CACNG3: variants seen among roughly 807,000 people sequenced by gnomAD.
CACNG3 encodes the protein voltage-dependent calcium channel gamma-3 subunit.
In CACNG3, 3 loss-of-function variants were observed where a neutral mutation model predicts 28.5. The ratio of observed to expected loss-of-function variants is 0.11; its 90% CI spans 0.05 to 0.27. The LOEUF (loss-of-function observed/expected upper bound fraction) is 0.27. Ranked by LOEUF, CACNG3 falls within the 10% of genes least tolerant of loss-of-function variation. The pLI is 1.00. For missense variants in CACNG3, 236 were observed against 414.4 expected (o/e 0.57, Z 3.74); for synonymous variants, 174 against 162.2 (o/e 1.07, Z -0.55).
chr16:24,304,456 C>T (rs916646473), intron 1 of CACNG3, among the ~76,000 whole-genome samples: 4 of 152,110 alleles, frequency 2.6e-5, no homozygotes, highest in African/African-American at 9.7e-5. Context: ...GCCTAACCAG[C>T]GTCCAGATCA....
intron 1 of CACNG3, among the ~76,000 whole-genome samples, chr16:24,336,490 T>C (rs1899711986): frequency 6.6e-6 from 1 of 151,810 alleles, no homozygotes; most frequent in African/African-American, 2.4e-5. Flanking sequence ...TCAGCCAGGA[T>C]GGTCTCGATA....
chr16:24,317,622 G>GA (rs1471011136), intron 1 of CACNG3, among the ~76,000 whole-genome samples: 2 of 57,924 alleles, frequency 3.5e-5, no homozygotes, highest in Admixed American at 1.9e-4. Context: ...AAGAAAGAAA[G>GA]AAAGACAGAC....
chr16:24,278,905 A>C (rs1381993807), intron 1 of CACNG3, among the ~76,000 whole-genome samples: 1 of 152,222 alleles, frequency 6.6e-6, no homozygotes, highest in East Asian at 1.9e-4. Context: ...TTCCAAAAGG[A>C]AAATTACCTC....
chr16:24,257,925 C>T (rs1252660747), intron 1 of CACNG3, among the ~76,000 whole-genome samples: 1 of 152,196 alleles, frequency 6.6e-6, no homozygotes, highest in Non-Finnish European at 1.5e-5. Context: ...GCTTGGATAT[C>T]ACTGGGAGTA....
At chr16:24,327,076 G>A (rs1899557507) in intron 1 of CACNG3, among the ~76,000 whole-genome samples, 1 of 133,024 alleles carries the variant, frequency 7.5e-6, no homozygotes, top group Admixed American at 8.2e-5. Context: ...CTCATGCAGA[G>A]AGGTGGAGTC....
chr16:24,359,712 A>T (rs1188610285), intron 3 of CACNG3, among the ~76,000 whole-genome samples: 1 of 151,996 alleles, frequency 6.6e-6, no homozygotes, highest in Non-Finnish European at 1.5e-5. Context: ...AAAAAAATTA[A>T]CTTAGCTGTG....
intron 1 of CACNG3, among the ~76,000 whole-genome samples, chr16:24,319,219 G>C (rs1391603739): frequency 2.0e-5 from 3 of 152,190 alleles, no homozygotes; most frequent in Non-Finnish European, 2.9e-5. Flanking sequence ...GCATTGCAAT[G>C]GGAATACAGG....
chr16:24,360,258 A>G (rs2141386390), intron 3 of CACNG3, among the ~76,000 whole-genome samples: 1 of 151,916 alleles, frequency 6.6e-6, no homozygotes, highest in Middle Eastern at 3.4e-3. Context: ...AAAAAAAAAG[A>G]CATATCCCCT....
chr16:24,303,151 C>G (rs1481102166), intron 1 of CACNG3, among the ~76,000 whole-genome samples: 1 of 152,048 alleles, frequency 6.6e-6, no homozygotes, highest in Non-Finnish European at 1.5e-5. Flanking sequence ...CTAAAAACAA[C>G]TGCTTTGCCC....
In CACNG3 at chr16:24,361,398, C is replaced by T. The variant is rs371160374; in HGVS notation, c.483C>T (p.Ala161=). ...TCATAGTTTATATATCAGCCAACGC[C>T]GGAGACCCCGGGCAGCGTGACTCCA... ...IGIIVYISAN[A]GDPGQRDSKK... is the part of the protein sequence containing the mutation. Residue 161 remains alanine, a synonymous_variant, in exon 4 of 4, where the codon GCC becomes GCT. Transcript: ENST00000005284. The surrounding 1 kb of genome is among the most constrained non-coding windows in gnomAD (Gnocchi z 6.8). The T allele has an allele frequency of 2.2e-5, 35 of 1,612,530 alleles. No homozygotes were observed. Among genetic ancestry groups the T allele is most frequent in the South Asian group, 1.5e-4 (14 of 90,836 alleles).
chr16:24,337,871 T>C (rs776484574), intron 1 of CACNG3, among the ~76,000 whole-genome samples: 3 of 126,396 alleles, frequency 2.4e-5, no homozygotes, highest in Non-Finnish European at 5.1e-5. Context: ...CTCAACCTCC[T>C]AGATTTTCCA....
chr16:24,314,733 G>GCCGCCT (rs1431233186), intron 1 of CACNG3, among the ~76,000 whole-genome samples: 1 of 119,014 alleles, frequency 8.4e-6, no homozygotes, highest in Non-Finnish European at 1.8e-5. Context: ...TAGGACTCTC[G>GCCGCCT]CCTCCTCCTC....
At chr16:24,290,808 C>T (rs1898956382) in intron 1 of CACNG3, among the ~76,000 whole-genome samples, 1 of 152,128 alleles carries the variant, frequency 6.6e-6, no homozygotes, top group South Asian at 2.1e-4. Flanking sequence ...ACGTACTTAA[C>T]AAGTGTTTGA....
At chr16:24,314,160 A>G (rs1171384736) in intron 1 of CACNG3, among the ~76,000 whole-genome samples, 1 of 152,212 alleles carries the variant, frequency 6.6e-6, no homozygotes, top group Non-Finnish European at 1.5e-5. Flanking sequence ...TCCTCAAGGT[A>G]TGCTTGTCAT....
chr16:24,341,356 C>T (rs1224689740), intron 1 of CACNG3, among the ~76,000 whole-genome samples: 1 of 151,646 alleles, frequency 6.6e-6, no homozygotes, highest in Non-Finnish European at 1.5e-5. Flanking sequence ...ATTCCTTTTC[C>T]TTCTATATTG....
chr16:24,335,342 C>A (rs922336718), intron 1 of CACNG3, among the ~76,000 whole-genome samples: 1 of 152,148 alleles, frequency 6.6e-6, no homozygotes, highest in South Asian at 2.1e-4. Context: ...ATCGCTTGAA[C>A]CTGGGAGGCA....
intron 1 of CACNG3, among the ~76,000 whole-genome samples, chr16:24,280,088 G>C (rs1403597418): frequency 6.6e-6 from 1 of 152,294 alleles, no homozygotes; most frequent in East Asian, 1.9e-4. Flanking sequence ...CTAAGGTTCC[G>C]TGTGACAGAT....
chr16:24,305,188 G>A (rs116808648), intron 1 of CACNG3, among the ~76,000 whole-genome samples: 2,829 of 152,182 alleles, frequency 0.019, 96 homozygotes, highest in African/African-American at 0.065. Flanking sequence ...GTTGATAATA[G>A]GAGATGCTAT....
intron 1 of CACNG3, among the ~76,000 whole-genome samples, chr16:24,329,017 G>A (rs1221959601): frequency 6.6e-6 from 1 of 152,186 alleles, no homozygotes; most frequent in African/African-American, 2.4e-5. Context: ...AGTGGGCAGG[G>A]AGAATGGGGA....
Sources: gnomAD v4.1 joint callset for allele counts (sites outside exome capture counted in the v4.1 genomes callset) on GRCh38, gnomAD v4.1.1 for gene constraint, Gnocchi (gnomAD v3.1) non-coding constraint, MANE v1.5 for transcripts, NCBI Gene and HGNC (gene_info 2026-07-23, HGNC 2026-07-21) for gene names.